The following MFSD11 variants were observed in gnomAD, a reference collection of about 807,000 sequenced individuals.
MFSD11 encodes UNC93-like protein MFSD11.
MFSD11 carries 36 observed loss-of-function variants against 53.5 expected under a neutral mutation model. The ratio of observed to expected loss-of-function variants is 0.67; its 90% confidence interval spans 0.52 to 0.89. The LOEUF (loss-of-function observed/expected upper bound fraction) is 0.89, where lower values mean the gene tolerates loss of function less well. Ranked by LOEUF, MFSD11 falls within the 40% of genes least tolerant of loss-of-function variation. MFSD11 has a pLI of 0.00. For missense variants in MFSD11, 530 were observed against 543.9 expected, an observed-to-expected ratio of 0.97 and a Z score of 0.25; for synonymous variants, 186 against 184.9, an observed-to-expected ratio of 1.01 and a Z score of -0.05.
chr17:76,744,894 G>T lies in MFSD11; in HGVS notation c.641+428G>T, dbSNP rs569109245. ...TGAGTGAGTGGCAGGGCCAGTGATGGTTGTCACAGATGAACCTTGGTTATC... is the reference window on the plus strand; with the variant it reads ...TGAGTGAGTGGCAGGGCCAGTGATGTTTGTCACAGATGAACCTTGGTTATC... On this transcript the variant is annotated intron_variant, in intron 7 of 12. Transcript: ENST00000685175. Among the ~76,000 whole-genome samples, 8 of 152,336 alleles carry T rather than the reference G, an allele frequency of 5.3e-5. No homozygotes were observed. In the East Asian group the frequency reaches 1.5e-3, roughly 29 times the overall value.
intron 7 of MFSD11, among the ~76,000 whole-genome samples, chr17:76,745,804 A>T (rs1299975366): frequency 1.7e-5 from 2 of 119,150 alleles, no homozygotes; most frequent in Non-Finnish European, 3.4e-5. Context: ...CTCTCACTTT[A>T]TTATTTACTT....
At chr17:76,796,908 G>C in the MFSD11 span, among the ~76,000 whole-genome samples, 14 of 152,036 alleles carry the variant, frequency 9.2e-5, no homozygotes, top group South Asian at 2.5e-3. Flanking sequence ...GGTGGCTCAT[G>C]CCTGTAATTG....
upstream of MFSD11, chr17:76,737,956 C>G (rs978059452): frequency 4.2e-6 from 1 of 238,748 alleles, no homozygotes; most frequent in Non-Finnish European, 8.0e-6. Flanking sequence ...GCCGAGCGGC[C>G]GGCGCCGCGG....
chr17:76,737,507 C>T, upstream of MFSD11: 1 of 309,276 alleles, frequency 3.2e-6, no homozygotes, highest in Non-Finnish European at 6.0e-6. Flanking sequence ...GGCCAAAAAG[C>T]GCGGAGTCAC....
chr17:76,767,511 C>A, intron 9 of MFSD11, 60 bp downstream of exon 9: 1 of 1,042,664 alleles, frequency 9.6e-7, no homozygotes, highest in Non-Finnish European at 1.5e-6. Flanking sequence ...GAGTTGAAAA[C>A]GAGCCACGTT....
intron 8 of MFSD11, among the ~76,000 whole-genome samples, chr17:76,762,458 A>G (rs557348071): frequency 6.6e-6 from 1 of 152,262 alleles, no homozygotes; most frequent in South Asian, 2.1e-4. Flanking sequence ...AAACAGTTGG[A>G]GATGGAGACC....
At chr17:76,802,548 A>G in the MFSD11 span, among the ~76,000 whole-genome samples, 212 of 152,338 alleles carry the variant, frequency 1.4e-3, no homozygotes, top group African/African-American at 4.7e-3. Flanking sequence ...AACAGTTGAC[A>G]TGCCATCCAC....
At chr17:76,761,732 C>T (rs978362854) in intron 8 of MFSD11, among the ~76,000 whole-genome samples, 4 of 152,150 alleles carry the variant, frequency 2.6e-5, no homozygotes, top group African/African-American at 9.6e-5. Context: ...ACCATCCTGG[C>T]TTACATGGTG....
the MFSD11 span, among the ~76,000 whole-genome samples, chr17:76,791,187 T>C: frequency 6.7e-6 from 1 of 148,788 alleles, no homozygotes; most frequent in African/African-American, 2.5e-5. Context: ...AGTTTTGATG[T>C]TCTTATCAAG....
chr17:76,775,386 C>G (rs1385503328), intron 11 of MFSD11, among the ~76,000 whole-genome samples: 1 of 152,166 alleles, frequency 6.6e-6, no homozygotes, highest in Admixed American at 6.6e-5. Context: ...TTTTCCCCCA[C>G]TAAATCTTTT....
At chr17:76,794,919 C>T in the MFSD11 span, among the ~76,000 whole-genome samples, 1 of 151,162 alleles carries the variant, frequency 6.6e-6, no homozygotes, top group African/African-American at 2.4e-5. Context: ...TGGTCTCGAG[C>T]TCCTGACCTC....
At chr17:76,777,236 T>C (rs891101882) in intron 12 of MFSD11, among the ~76,000 whole-genome samples, 12 of 147,292 alleles carry the variant, frequency 8.1e-5, no homozygotes, top group African/African-American at 2.5e-4. Flanking sequence ...CCACTGCACT[T>C]CAGCCTGGGC....
intron 8 of MFSD11, among the ~76,000 whole-genome samples, chr17:76,755,274 G>A (rs2079451181): frequency 6.6e-6 from 1 of 152,086 alleles, no homozygotes; most frequent in African/African-American, 2.4e-5. Flanking sequence ...GGCTGAATTG[G>A]GATTTGAGCC....
Position 76,778,540 on chromosome 17 carries a change from T to C in MFSD11, c.*188T>C. The C allele has an allele frequency of 3.7e-6, 2 of 536,738 alleles. No homozygotes were observed. Among genetic ancestry groups the C allele is most frequent in the Non-Finnish European group, 3.3e-6 (1 of 306,508 alleles). 33.2% of individuals were successfully genotyped at this position (536,738 alleles called of 1,614,324 possible). A position where few individuals can be genotyped will look rare whatever the true frequency, so the allele number is the denominator to read the frequency against. On this transcript the variant is annotated 3_prime_UTR_variant, in exon 13 of 13. Transcript: ENST00000685175. ...ACAGATATGAGTTATTTAAAGCAAG[T>C]AGAATAAGGGAAAGCTGTTCTGTCA...
the MFSD11 span, among the ~76,000 whole-genome samples, chr17:76,787,402 G>A: frequency 3.3e-5 from 5 of 150,282 alleles, 1 homozygote; most frequent in African/African-American, 1.2e-4. Flanking sequence ...CTCCCAAAGT[G>A]CTGGGATTAC....
downstream of MFSD11, among the ~76,000 whole-genome samples, chr17:76,784,428 G>T: frequency 6.6e-6 from 1 of 152,158 alleles, no homozygotes; most frequent in East Asian, 1.9e-4. Context: ...AGCTACTTGG[G>T]AGGCTGAGGC....
At chr17:76,768,335 A>T (rs2081060390) in intron 9 of MFSD11, among the ~76,000 whole-genome samples, 1 of 151,914 alleles carries the variant, frequency 6.6e-6, no homozygotes, top group Non-Finnish European at 1.5e-5. Context: ...GTCATTTCTA[A>T]TGAAATAGAA....
intron 8 of MFSD11, among the ~76,000 whole-genome samples, chr17:76,762,370 A>G (rs2080340781): frequency 6.6e-6 from 1 of 152,222 alleles, no homozygotes; most frequent in Admixed American, 6.5e-5. Flanking sequence ...TGAATAAAGT[A>G]CACTGACACA....
intron 7 of MFSD11, chr17:76,747,839 GTTC>G (rs1314706599): frequency 6.6e-6 from 1 of 152,152 alleles, no homozygotes; most frequent in African/African-American, 2.4e-5. Flanking sequence ...GTGAGCTGGC[GTTC>G]TTCTAGAAAT....
Sources: allele counts gnomAD v4.1 joint callset (sites outside exome capture counted in the v4.1 genomes callset), GRCh38; gene constraint gnomAD v4.1.1; transcripts MANE v1.5; gene names NCBI Gene and HGNC (gene_info 2026-07-23, HGNC 2026-07-21).